Variants in MYO9B observed in about 807,000 individuals in gnomAD.
The protein encoded by MYO9B is unconventional myosin-IXb.
In MYO9B, 71 loss-of-function variants were observed where a neutral mutation model predicts 229.5. The ratio of observed to expected loss-of-function variants is 0.31; its 90% confidence interval spans 0.26 to 0.38. MYO9B has a LOEUF of 0.38. Among genes scored for constraint, MYO9B ranks in the 10% least tolerant of loss-of-function variants. MYO9B has a pLI of 1.00. For missense variants in MYO9B, 2,255 were observed against 2,920.5 expected, an observed-to-expected ratio of 0.77 and a Z score of 5.25; for synonymous variants, 1,185 against 1,235.8, an observed-to-expected ratio of 0.96 and a Z score of 0.86.
At chr19:17,190,955 C>T in intron 19 of MYO9B, 142 bp from the exon 20 acceptor site, 2 of 925,678 alleles carry the variant, frequency 2.2e-6, no homozygotes, top group Non-Finnish European at 1.6e-6. Flanking sequence ...CAGACTATTT[C>T]TGAAAGCCTG....
At chr19:17,089,490 T>G (rs1200919623) in intron 1 of MYO9B, among the ~76,000 whole-genome samples, 1 of 152,210 alleles carries the variant, frequency 6.6e-6, no homozygotes, top group African/African-American at 2.4e-5. Context: ...TCCGGAGGCC[T>G]TTATTCTCCA....
intron 1 of MYO9B, among the ~76,000 whole-genome samples, chr19:17,093,865 T>TTATA (rs1199630768): frequency 6.8e-6 from 1 of 146,126 alleles, no homozygotes; most frequent in Non-Finnish European, 1.5e-5. Context: ...GCTAATTTAT[T>TTATA]TATTTATTTA....
At chr19:17,176,917 C>A (rs1461780549) in intron 14 of MYO9B, among the ~76,000 whole-genome samples, 5 of 152,128 alleles carry the variant, frequency 3.3e-5, no homozygotes, top group Non-Finnish European at 7.4e-5. Context: ...AGTGAGCAGG[C>A]TGGCCAGACG....
At position 17,206,694 on chromosome 19, in the gene MYO9B, A is replaced by G. The variant is rs770822125; in HGVS notation, c.5402A>G (p.Gln1801Arg). The G allele has an allele frequency of 1.9e-6, 3 of 1,578,590 alleles. No homozygotes were observed. The highest frequency in any genetic ancestry group is 2.6e-6 in the Non-Finnish European group (3 of 1,163,180). The change falls in exon 34 of 40, where the codon CAG becomes CGG. Residue 1801 changes from glutamine to arginine, a missense_variant. Coordinates refer to ENST00000682292, the MANE Select transcript of MYO9B (RefSeq NM_004145.4). ...CTGCCTGCAGAGCTGCCGGAGAAGC[A>G]GGAGCAGCTGGCTGCCATCTATGCC... ...FLRAVELPEKQEQLAAIYAVL... is the reference protein window; with the variant it reads ...FLRAVELPEKREQLAAIYAVL...
In MYO9B at chr19:17,168,975, T is replaced by C. The variant is rs549054961; in HGVS notation, c.1793+911T>C. Among the ~76,000 whole-genome samples, 7 of 152,238 alleles carry C rather than the reference T, an allele frequency of 4.6e-5. No individual in the cohort carries two copies. In the South Asian group the frequency reaches 1.4e-3, roughly 32 times the overall value. ...CCCAGTTGTAGTCACTGAAATCACG[T>C]GACACATACCGAACTACTTTCCTGT... On this transcript the variant is annotated intron_variant, in intron 11 of 39. Coordinates refer to ENST00000682292, the MANE Select transcript of MYO9B (RefSeq NM_004145.4).
chr19:17,138,550 A>G (rs2072299636), intron 2 of MYO9B, among the ~76,000 whole-genome samples: 2 of 152,160 alleles, frequency 1.3e-5, no homozygotes, highest in Non-Finnish European at 2.9e-5. Context: ...AAATGCTGAG[A>G]TTACAGGCGT....
intron 2 of MYO9B, among the ~76,000 whole-genome samples, chr19:17,137,387 C>T (rs1045914817): frequency 2.0e-5 from 3 of 152,006 alleles, no homozygotes; most frequent in Non-Finnish European, 2.9e-5. Context: ...CAGAGTGAGA[C>T]CCTGTCTCCC....
chr19:17,208,163 T>A (rs1227089562), intron 35 of MYO9B, among the ~76,000 whole-genome samples: 10 of 142,652 alleles, frequency 7.0e-5, no homozygotes, highest in Non-Finnish European at 1.4e-4. Flanking sequence ...AAAGAAAATT[T>A]AAAAAAATAA....
chr19:17,098,498 G>T (rs1243986759), intron 1 of MYO9B, among the ~76,000 whole-genome samples: 3 of 152,146 alleles, frequency 2.0e-5, no homozygotes, highest in Admixed American at 2.0e-4. Context: ...CTCCTGCCTG[G>T]CTTTGGGCCT....
At chr19:17,208,812 C>T (rs1030999912) in intron 35 of MYO9B, among the ~76,000 whole-genome samples, 20 of 152,164 alleles carry the variant, frequency 1.3e-4, no homozygotes, top group African/African-American at 4.8e-4. Flanking sequence ...CCCTGCAGGT[C>T]GCACCACAGA....
Position 17,211,877 on chromosome 19 carries a change from C to T in MYO9B, c.6059-18C>T, listed in dbSNP as rs1244810487. On this transcript the variant is annotated intron_variant, in intron 39 of 39. Transcript: ENST00000682292. The stretch of plus-strand genomic sequence containing the variant: ...CGGCCCTGAAGCTGCAGTAACCCTG[C>T]CATCTGTCTCTCAAAAGGGCCCCCT... The T allele has an allele frequency of 6.3e-7, 1 of 1,589,988 alleles. No homozygotes were observed. Among genetic ancestry groups the T allele is most frequent in the East Asian group, 2.2e-5 (1 of 44,532 alleles).
rs1324432283 is a variant in MYO9B, at chr19:17,194,617, G to T, written c.3190G>T (p.Ala1064Ser). 6.2e-7 allele frequency: 1 copy of T among 1,612,808 alleles called. No individual in the cohort carries two copies. The highest frequency in any genetic ancestry group is 1.3e-5 in the African/African-American group (1 of 74,952). The change falls in exon 22 of 40, where the codon GCC (alanine) becomes TCC (serine). Residue 1064 changes from alanine to serine, a missense_variant. Ala to Ser is a moderately conservative substitution (Grantham distance 99). This residue lies in a region of MYO9B where 679 missense variants were observed against 770.2 expected (regional missense o/e 0.88). Coordinates refer to ENST00000682292, the MANE Select transcript of MYO9B (RefSeq NM_004145.4). ...AEEKEREALE[A>S]ARAGAEEGGQ... ...AGAGAAGGAGAGGGAAGCCCTGGAA[G>T]CCGCAAGAGCAGGTGCTGAGGAGGG...
chr19:17,096,056 G>A (rs1031953753), intron 1 of MYO9B, among the ~76,000 whole-genome samples: 2 of 150,824 alleles, frequency 1.3e-5, no homozygotes, highest in African/African-American at 4.8e-5. Context: ...ACAGGCATAA[G>A]CCACCGCACT....
intron 10 of MYO9B, among the ~76,000 whole-genome samples, chr19:17,164,015 CGTA>C (rs1195164020): frequency 6.6e-6 from 1 of 152,166 alleles, no homozygotes; most frequent in Admixed American, 6.6e-5. Context: ...CTTGCTGGAT[CGTA>C]TGGTAATTCT....
chr19:17,184,273 C>A (rs924265437), intron 16 of MYO9B, among the ~76,000 whole-genome samples: 7 of 152,250 alleles, frequency 4.6e-5, no homozygotes, highest in Non-Finnish European at 8.8e-5. Flanking sequence ...CCCCCATCTT[C>A]AGTCCCTGGC....
intron 2 of MYO9B, among the ~76,000 whole-genome samples, chr19:17,139,878 C>A (rs1412390518): frequency 1.3e-5 from 2 of 152,014 alleles, no homozygotes; most frequent in Admixed American, 6.6e-5. Context: ...CCCGTCTCTA[C>A]TAAAAATACA....
intron 10 of MYO9B, among the ~76,000 whole-genome samples, chr19:17,163,382 T>G: frequency 6.8e-6 from 1 of 147,708 alleles, no homozygotes. Context: ...CTTTTTTTTT[T>G]TTTTTTTTTT....
intron 17 of MYO9B, 25 bp downstream of exon 17, chr19:17,185,012 G>A: frequency 6.2e-7 from 1 of 1,613,628 alleles, no homozygotes; most frequent in African/African-American, 1.3e-5. Flanking sequence ...AGAGGCAGAA[G>A]GTGGCGGTCA....
intron 32 of MYO9B, 38 bp from the exon 33 acceptor site, chr19:17,206,210 G>C: frequency 1.9e-6 from 3 of 1,592,488 alleles, no homozygotes; most frequent in Non-Finnish European, 2.6e-6. Context: ...CGTCCTGCCA[G>C]TGCGCCGCTC....
Sources: allele counts gnomAD v4.1 joint callset (sites outside exome capture counted in the v4.1 genomes callset), GRCh38; gene constraint gnomAD v4.1.1; regional missense constraint gnomAD v4.1.1; transcripts MANE v1.5; gene names NCBI Gene and HGNC (gene_info 2026-07-23, HGNC 2026-07-21).